The following SLC35F4 variants were observed in gnomAD, a reference collection of about 807,000 sequenced individuals.
SLC35F4 encodes chromosome 14 open reading frame 36.
A neutral mutation model predicts 44.2 loss-of-function variants in SLC35F4; 24 were observed. The observed-to-expected ratio is 0.54, with a 90% confidence interval of 0.39 to 0.76. SLC35F4 has a LOEUF of 0.76. Among genes scored for constraint, SLC35F4 ranks in the 30% least tolerant of loss-of-function variants. The pLI, the probability that SLC35F4 is intolerant of heterozygous loss-of-function variation, is 0.00. For missense variants in SLC35F4, 562 were observed against 586.1 expected (o/e 0.96, Z 0.42); for synonymous variants, 238 against 223.6 (o/e 1.06, Z -0.57).
rs181219215 is a variant in SLC35F4, at chr14:57,662,124, T to C, written c.104-68000A>G. On this transcript the variant is annotated intron_variant, in intron 1 of 7. Transcript: ENST00000556826. Reference sequence around the variant, plus strand: ...CACCATTCACTCTAACAACTCCAAATGCATTCTTTGAAAACATGTAGAAAT... The same window carrying C: ...CACCATTCACTCTAACAACTCCAAACGCATTCTTTGAAAACATGTAGAAAT... 3.3e-5 allele frequency among the ~76,000 whole-genome samples: 5 copies of C among 152,312 alleles called. No homozygotes were observed. The East Asian group carries it at 9.7e-4, about 29-fold the overall frequency.
intron 1 of SLC35F4, among the ~76,000 whole-genome samples, chr14:57,696,522 T>C (rs181914087): frequency 6.6e-6 from 1 of 152,234 alleles, no homozygotes; most frequent in East Asian, 1.9e-4. Context: ...TTCCTCAAGA[T>C]CTAGAACAAG....
chr14:57,705,766 G>C (rs1344415976), intron 1 of SLC35F4, among the ~76,000 whole-genome samples: 4 of 152,204 alleles, frequency 2.6e-5, no homozygotes, highest in Non-Finnish European at 5.9e-5. Flanking sequence ...TCTATATATA[G>C]TCCATAACAC....
intron 1 of SLC35F4, among the ~76,000 whole-genome samples, chr14:57,897,095 C>A (rs763302119): frequency 6.6e-6 from 1 of 152,058 alleles, no homozygotes; most frequent in African/African-American, 2.4e-5. Flanking sequence ...TATTGGTCCC[C>A]AAGGGATTCT....
chr14:57,784,043 T>G (rs978624499), intron 1 of SLC35F4, among the ~76,000 whole-genome samples: 2 of 152,170 alleles, frequency 1.3e-5, no homozygotes, highest in African/African-American at 4.8e-5. Flanking sequence ...ACAGGATTTA[T>G]GACAGAGCTA....
intron 1 of SLC35F4, among the ~76,000 whole-genome samples, chr14:57,981,490 C>T (rs559718124): frequency 6.6e-6 from 1 of 152,144 alleles, no homozygotes; most frequent in East Asian, 1.9e-4. Context: ...GATGGGATTT[C>T]GTAGCCATGT....
intron 1 of SLC35F4, among the ~76,000 whole-genome samples, chr14:57,958,824 G>A (rs1051569229): frequency 3.3e-5 from 5 of 152,188 alleles, no homozygotes; most frequent in Non-Finnish European, 7.4e-5. Context: ...ACTTCATCAG[G>A]GTGCACAAGG....
chr14:57,649,127 T>C (rs1438649652), intron 1 of SLC35F4, among the ~76,000 whole-genome samples: 1 of 152,216 alleles, frequency 6.6e-6, no homozygotes, highest in African/African-American at 2.4e-5. Context: ...TTCTCACACC[T>C]TTTCCTTTCC....
At chr14:57,911,148 A>G (rs962212050) in intron 1 of SLC35F4, among the ~76,000 whole-genome samples, 4 of 152,018 alleles carry the variant, frequency 2.6e-5, no homozygotes, top group Admixed American at 1.3e-4. Flanking sequence ...ATAATTGCTT[A>G]TAAGTTCCAG....
intron 1 of SLC35F4, among the ~76,000 whole-genome samples, chr14:57,769,351 C>A (rs904534498): frequency 6.6e-6 from 1 of 152,070 alleles, no homozygotes; most frequent in Non-Finnish European, 1.5e-5. Flanking sequence ...GTTTTCCTTG[C>A]AACTGCCTCT....
At chr14:57,902,113 T>C (rs948224661) in intron 1 of SLC35F4, among the ~76,000 whole-genome samples, 11 of 152,216 alleles carry the variant, frequency 7.2e-5, no homozygotes, top group African/African-American at 2.4e-5. Context: ...TCCCTTTGAG[T>C]GTAGACATTC....
chr14:57,926,385 C>G (rs572888431), intron 1 of SLC35F4, among the ~76,000 whole-genome samples: 1 of 152,286 alleles, frequency 6.6e-6, no homozygotes, highest in South Asian at 2.1e-4. Flanking sequence ...GCAGATGTCA[C>G]ATGGAACTTC....
intron 1 of SLC35F4, among the ~76,000 whole-genome samples, chr14:57,746,710 G>GTGGT (rs1455603133): frequency 1.3e-5 from 2 of 152,186 alleles, no homozygotes; most frequent in African/African-American, 4.8e-5. Flanking sequence ...TGGTATGTGT[G>GTGGT]TGGTTGGTTG....
chr14:57,647,572 G>A (rs2073591085), intron 1 of SLC35F4, among the ~76,000 whole-genome samples: 1 of 152,072 alleles, frequency 6.6e-6, no homozygotes, highest in Non-Finnish European at 1.5e-5. Flanking sequence ...CAGTCCATAA[G>A]CTCTTTATAA....
intron 1 of SLC35F4, among the ~76,000 whole-genome samples, chr14:57,654,034 T>A (rs1485320470): frequency 6.6e-6 from 1 of 152,194 alleles, no homozygotes; most frequent in East Asian, 1.9e-4. Flanking sequence ...GCTCTACTTG[T>A]GTGCATGCCT....
At chr14:57,653,571 C>CAAAGCCAG (rs2073861562) in intron 1 of SLC35F4, among the ~76,000 whole-genome samples, 1 of 152,178 alleles carries the variant, frequency 6.6e-6, no homozygotes, top group Non-Finnish European at 1.5e-5. Context: ...CTTTGACATA[C>CAAAGCCAG]TTTCTATCAC....
intron 1 of SLC35F4, among the ~76,000 whole-genome samples, chr14:57,853,945 C>G (rs1025407798): frequency 1.1e-4 from 16 of 152,284 alleles, no homozygotes; most frequent in African/African-American, 3.8e-4. Flanking sequence ...AGAAACCAAA[C>G]AAACCATCAC....
chr14:57,925,790 C>T (rs960707138), intron 1 of SLC35F4, among the ~76,000 whole-genome samples: 2 of 152,028 alleles, frequency 1.3e-5, no homozygotes, highest in East Asian at 3.9e-4. Flanking sequence ...ATAAAAAAAC[C>T]CACTAGTTTA....
chr14:57,899,272 C>T (rs1566924871), intron 1 of SLC35F4, among the ~76,000 whole-genome samples: 1 of 152,202 alleles, frequency 6.6e-6, no homozygotes, highest in Admixed American at 6.5e-5. Context: ...TGCATTATTT[C>T]CCGTTTTTCA....
intron 1 of SLC35F4, among the ~76,000 whole-genome samples, chr14:57,753,339 C>T (rs766758210): frequency 2.6e-5 from 4 of 152,178 alleles, no homozygotes; most frequent in African/African-American, 2.4e-5. Flanking sequence ...TTCCCCAATA[C>T]TTGGCCCAGT....
Sources: allele counts gnomAD v4.1 joint callset (sites outside exome capture counted in the v4.1 genomes callset), GRCh38; gene constraint gnomAD v4.1.1; transcripts MANE v1.5; gene names NCBI Gene and HGNC (gene_info 2026-07-23, HGNC 2026-07-21).